Variants in LHFPL2 observed in about 807,000 individuals in gnomAD.
LHFPL2 encodes the protein LHFPL tetraspan subfamily member 2.
LHFPL2 carries 7 observed loss-of-function variants against 17.5 expected under a neutral mutation model. That is an observed-to-expected ratio of 0.40 (90% CI 0.23 to 0.75). LHFPL2 has a LOEUF of 0.75. LHFPL2 is among the 30% of genes least tolerant of loss of function. The pLI, the probability that LHFPL2 is intolerant of heterozygous loss-of-function variation, is 0.37. For synonymous variants in LHFPL2, 134 were observed against 116.2 expected, an observed-to-expected ratio of 1.15 and a Z score of -0.99; for missense variants, 241 against 294.8, an observed-to-expected ratio of 0.82 and a Z score of 1.34.
At chr5:78,519,556 A>G (rs189451418) in intron 3 of LHFPL2, among the ~76,000 whole-genome samples, 3 of 152,244 alleles carry the variant, frequency 2.0e-5, no homozygotes, top group Admixed American at 2.0e-4. Context: ...CTTAATCTGA[A>G]CCCTGGTCCT....
intron 2 of LHFPL2, among the ~76,000 whole-genome samples, chr5:78,567,909 G>A (rs1277980530): frequency 2.6e-5 from 4 of 152,070 alleles, no homozygotes; most frequent in Non-Finnish European, 5.9e-5. Context: ...GAACTGCTAG[G>A]GGCACCTACT....
intron 3 of LHFPL2, among the ~76,000 whole-genome samples, chr5:78,547,625 G>GT (rs1230917598): frequency 3.3e-5 from 5 of 152,152 alleles, no homozygotes; most frequent in Non-Finnish European, 7.3e-5. Context: ...TGTCTGTGAA[G>GT]TACCAGCACA....
chr5:78,644,501 GTTC>G (rs1745793528), intron 1 of LHFPL2: 1 of 602,562 alleles, frequency 1.7e-6, no homozygotes, highest in Non-Finnish European at 3.0e-6. Context: ...AGGCCGGGAT[GTTC>G]TGCTTTGATT....
chr5:78,565,014 G>C (rs1389378319), intron 2 of LHFPL2, 143 bp from the exon 3 acceptor site: 1 of 152,146 alleles, frequency 6.6e-6, no homozygotes, highest in Non-Finnish European at 1.5e-5. Context: ...ACTTGCATTA[G>C]AACACGGCCA....
At chr5:78,611,062 GCAGA>G (rs1349687796) in intron 2 of LHFPL2, among the ~76,000 whole-genome samples, 3 of 152,210 alleles carry the variant, frequency 2.0e-5, no homozygotes, top group African/African-American at 7.2e-5. Flanking sequence ...ACTGCTATAA[GCAGA>G]CAGACAAAGG....
intron 3 of LHFPL2, among the ~76,000 whole-genome samples, chr5:78,510,783 C>T (rs1293677729): frequency 1.3e-5 from 2 of 152,192 alleles, no homozygotes; most frequent in Admixed American, 1.3e-4. Context: ...GCAAGACTGG[C>T]AATCAACTCT....
intron 3 of LHFPL2, among the ~76,000 whole-genome samples, chr5:78,556,033 T>A (rs894549873): frequency 1.3e-5 from 2 of 152,092 alleles, no homozygotes; most frequent in Non-Finnish European, 2.9e-5. Flanking sequence ...AGGGTGACAA[T>A]GAGGGGCTCA....
At chr5:78,601,332 C>G (rs1744005246) in intron 2 of LHFPL2, among the ~76,000 whole-genome samples, 1 of 152,142 alleles carries the variant, frequency 6.6e-6, no homozygotes, top group South Asian at 2.1e-4. Context: ...CAGCCATGTT[C>G]ACAGTTGAGA....
chr5:78,511,885 CG>C (rs1231258666), intron 3 of LHFPL2, among the ~76,000 whole-genome samples: 1 of 152,136 alleles, frequency 6.6e-6, no homozygotes, highest in Non-Finnish European at 1.5e-5. Flanking sequence ...TGTGTCACAG[CG>C]CTGTGCCAAG....
chr5:78,499,717 A>G (rs1461995681), intron 4 of LHFPL2, among the ~76,000 whole-genome samples: 8 of 152,228 alleles, frequency 5.3e-5, no homozygotes, highest in Non-Finnish European at 2.9e-5. Flanking sequence ...GGAGAGTGGA[A>G]GACTGCACCA....
At position 78,604,405 on chromosome 5, in the gene LHFPL2, A is replaced by T. The variant is rs576136754; in HGVS notation, c.-245+27859T>A. On this transcript the variant is annotated intron_variant, in intron 2 of 4. Transcript: ENST00000380345. ...GGCAGGAGAATGGCTTGAACCCGGG[A>T]GGCGGAGGTTGCAGCGAGCTGAGAT... 2.0e-5 allele frequency among the ~76,000 whole-genome samples: 3 copies of T among 152,308 alleles called. No individual in the cohort carries two copies. In the East Asian group the frequency reaches 5.8e-4, roughly 29 times the overall value.
At chr5:78,635,417 G>A (rs529748089) in intron 1 of LHFPL2, among the ~76,000 whole-genome samples, 6 of 152,296 alleles carry the variant, frequency 3.9e-5, no homozygotes, top group South Asian at 2.1e-4. Context: ...GGTTTCTGCC[G>A]CTGGCCAAGC....
At chr5:78,607,058 T>C (rs536977536) in intron 2 of LHFPL2, among the ~76,000 whole-genome samples, 2 of 152,254 alleles carry the variant, frequency 1.3e-5, no homozygotes, top group Admixed American at 6.5e-5. Context: ...ATCCCCAACA[T>C]GGTCCATCAC....
At chr5:78,583,630 T>C (rs1223553447) in intron 2 of LHFPL2, among the ~76,000 whole-genome samples, 1 of 152,194 alleles carries the variant, frequency 6.6e-6, no homozygotes, top group Non-Finnish European at 1.5e-5. Flanking sequence ...TTCTGGCTTG[T>C]AGGGTTTCTG....
intron 2 of LHFPL2, among the ~76,000 whole-genome samples, chr5:78,628,148 C>A (rs1207596972): frequency 6.6e-6 from 1 of 152,146 alleles, no homozygotes; most frequent in Non-Finnish European, 1.5e-5. Context: ...CGTGGACAGG[C>A]CCTGTGTGGC....
intron 4 of LHFPL2, among the ~76,000 whole-genome samples, chr5:78,501,475 G>C (rs910589167): frequency 1.3e-5 from 2 of 152,072 alleles, no homozygotes; most frequent in Non-Finnish European, 2.9e-5. Flanking sequence ...GTTAAGATGC[G>C]GACCCCTTTC....
chr5:78,513,448 G>C (rs1056358109), intron 3 of LHFPL2, among the ~76,000 whole-genome samples: 1 of 152,160 alleles, frequency 6.6e-6, no homozygotes, highest in African/African-American at 2.4e-5. Context: ...TTTCAATAGG[G>C]GGATAAGATG....
intron 3 of LHFPL2, among the ~76,000 whole-genome samples, chr5:78,526,912 T>C (rs1310155281): frequency 6.6e-6 from 1 of 152,110 alleles, no homozygotes. Context: ...AAAACATCCA[T>C]AGCCCAGCTT....
At chr5:78,595,114 A>G (rs1198843926) in intron 2 of LHFPL2, among the ~76,000 whole-genome samples, 1 of 152,236 alleles carries the variant, frequency 6.6e-6, no homozygotes. Flanking sequence ...ACTGATGAAC[A>G]GTTTTCAGGA....
Sources: allele counts gnomAD v4.1 joint callset (sites outside exome capture counted in the v4.1 genomes callset), GRCh38; gene constraint gnomAD v4.1.1; transcripts MANE v1.5; gene names NCBI Gene and HGNC (gene_info 2026-07-23, HGNC 2026-07-21).